Variants in TASP1 observed in about 807,000 individuals in gnomAD.
TASP1 encodes the protein threonine aspartase 1.
A neutral mutation model predicts 56.6 loss-of-function variants in TASP1; 16 were observed. The ratio of observed to expected loss-of-function variants is 0.28; its 90% CI spans 0.19 to 0.43. TASP1 has a LOEUF of 0.43. Among genes scored for constraint, TASP1 ranks in the 20% least tolerant of loss-of-function variants. The probability of loss-of-function intolerance (pLI) is 1.00; values close to 1 mark genes in which losing one functional copy is unlikely to be tolerated. For missense variants in TASP1, 393 were observed against 511.6 expected (o/e 0.77, Z 2.24); for synonymous variants, 179 against 184.2 (o/e 0.97, Z 0.23).
At chr20:13,270,604 C>T in the TASP1 span, 3 of 1,613,884 alleles carry the variant, frequency 1.9e-6, no homozygotes, top group African/African-American at 1.3e-5. Context: ...GCACACCAAC[C>T]CTTCCCCAGA....
the TASP1 span, among the ~76,000 whole-genome samples, chr20:13,317,300 G>C: frequency 1.4e-3 from 172 of 119,176 alleles, 1 homozygote; most frequent in African/African-American, 4.0e-3. Flanking sequence ...AGAAATCAAA[G>C]AAGTAAATAA....
chr20:13,564,376 ATC>A (rs2046444006), intron 7 of TASP1, among the ~76,000 whole-genome samples: 1 of 152,170 alleles, frequency 6.6e-6, no homozygotes, highest in Admixed American at 6.5e-5. Flanking sequence ...AAAAACTAAA[ATC>A]AAGGAGGCAA....
the TASP1 span, among the ~76,000 whole-genome samples, chr20:13,356,396 T>G: frequency 2.1e-4 from 32 of 152,348 alleles, no homozygotes; most frequent in Non-Finnish European, 4.3e-4. Context: ...TTTAGGGAAC[T>G]GGGTTTTGGA....
At chr20:13,274,578 C>T in the TASP1 span, among the ~76,000 whole-genome samples, 6 of 152,312 alleles carry the variant, frequency 3.9e-5, no homozygotes, top group Non-Finnish European at 8.8e-5. Context: ...GTGTTTCCCA[C>T]GCTCCAGGGC....
the TASP1 span, among the ~76,000 whole-genome samples, chr20:13,332,204 G>T: frequency 6.6e-6 from 1 of 152,076 alleles, no homozygotes; most frequent in African/African-American, 2.4e-5. Context: ...TGTCTATTAA[G>T]ATCCATACAT....
intron 13 of TASP1, among the ~76,000 whole-genome samples, chr20:13,410,426 T>C (rs1463507419): frequency 6.6e-6 from 1 of 152,228 alleles, no homozygotes; most frequent in Non-Finnish European, 1.5e-5. Flanking sequence ...ATAGTGGCTG[T>C]ATGAATTTAC....
chr20:13,417,040 T>C (rs2042278876), intron 13 of TASP1, among the ~76,000 whole-genome samples: 1 of 152,184 alleles, frequency 6.6e-6, no homozygotes, highest in South Asian at 2.1e-4. Context: ...GCAGGATGCT[T>C]TCTAGGGTTA....
Position 13,469,792 on chromosome 20 carries a change from C to CTTTTTTTTTTTTTTT in TASP1, c.985+13420_985+13434dup, listed in dbSNP as rs546419566. Among the ~76,000 whole-genome samples, 31 of 39,546 alleles carry CTTTTTTTTTTTTTTT rather than the reference C, an allele frequency of 7.8e-4. 6 individuals carry two copies. Among genetic ancestry groups the CTTTTTTTTTTTTTTT allele is most frequent in the Admixed American group, 1.3e-3 (3 of 2,232 alleles). The allele number at this position is 39,546 out of a possible 152,430, so 25.9% of individuals were successfully genotyped here. A position where few individuals can be genotyped will look rare whatever the true frequency, so the allele number is the denominator to read the frequency against. On this transcript the variant is annotated intron_variant, in intron 11 of 13. Transcript: ENST00000337743. Reference sequence around the variant, plus strand: ...ACAGTTGTCCAGGTCAATAAATGTCCTTTTTTTTTTTTTTTTTTTTTTTTT... The same window carrying CTTTTTTTTTTTTTTT: ...ACAGTTGTCCAGGTCAATAAATGTCCTTTTTTTTTTTTTTTTTTTTTTTTTTTTTTTTTTTTTTTT...
At chr20:13,584,051 CCTCGGCCAACA>C (rs146675810) in intron 5 of TASP1, among the ~76,000 whole-genome samples, 813 of 152,252 alleles carry the variant, frequency 5.3e-3, no homozygotes, top group Middle Eastern at 0.01. Flanking sequence ...TGCACTCCAA[CCTCGGCCAACA>C]CCCAGAGCTA....
intron 1 of TASP1, among the ~76,000 whole-genome samples, chr20:13,634,858 G>GTCTCTACTA (rs1273191405): frequency 6.6e-6 from 1 of 151,010 alleles, no homozygotes; most frequent in Non-Finnish European, 1.5e-5. Context: ...GAGAAACCCC[G>GTCTCTACTA]TCTCTACTAA....
chr20:13,259,540 G>A, the TASP1 span, among the ~76,000 whole-genome samples: 1,058 of 152,280 alleles, frequency 6.9e-3, 13 homozygotes, highest in African/African-American at 0.024. Flanking sequence ...AGAAAAGGAA[G>A]ATGCTAATGA....
intron 9 of TASP1, among the ~76,000 whole-genome samples, 172 bp from the exon 10 acceptor site, chr20:13,528,683 C>CA (rs2045090267): frequency 6.6e-6 from 1 of 152,100 alleles, no homozygotes; most frequent in Non-Finnish European, 1.5e-5. Context: ...TTAATACTAT[C>CA]AAAACTATGT....
chr20:13,204,527 T>TTA, the TASP1 span, among the ~76,000 whole-genome samples: 1 of 133,396 alleles, frequency 7.5e-6, no homozygotes, highest in African/African-American at 3.2e-5. Context: ...ATTTATATAT[T>TTA]CATATATATA....
chr20:13,234,746 A>G, the TASP1 span, among the ~76,000 whole-genome samples: 1 of 152,070 alleles, frequency 6.6e-6, no homozygotes, highest in East Asian at 1.9e-4. Flanking sequence ...GTCCTCTTGT[A>G]TGTCTTCTTT....
the TASP1 span, among the ~76,000 whole-genome samples, chr20:13,351,957 A>G: frequency 1.4e-3 from 206 of 152,284 alleles, no homozygotes; most frequent in African/African-American, 4.6e-3. Flanking sequence ...TGAATTTTTC[A>G]TTTCATTTAA....
the TASP1 span, among the ~76,000 whole-genome samples, chr20:13,204,170 T>C: frequency 1.3e-5 from 2 of 152,222 alleles, no homozygotes; most frequent in Non-Finnish European, 2.9e-5. Flanking sequence ...CATACTTTTA[T>C]TTTAATTTTG....
Position 13,390,318 on chromosome 20 carries a change from T to C in TASP1, c.*42A>G. 6 of 1,572,318 alleles carry C rather than the reference T, an allele frequency of 3.8e-6. No homozygotes were observed. Among genetic ancestry groups the C allele is most frequent in the Non-Finnish European group, 5.2e-6 (6 of 1,146,048 alleles). On this transcript the variant is annotated 3_prime_UTR_variant, in exon 14 of 14. Coordinates refer to ENST00000337743, the MANE Select transcript of TASP1 (RefSeq NM_017714.3). ...AGTTAAAAACCCCCAAAAGCTCAGG[T>C]TCTGAAATGCCTCTGAGACGCTTCA...
chr20:13,467,177 C>T (rs1227065002), intron 11 of TASP1, among the ~76,000 whole-genome samples: 1 of 104,378 alleles, frequency 9.6e-6, no homozygotes, highest in African/African-American at 3.9e-5. Context: ...GAAATTAACA[C>T]ACATACAATA....
intron 10 of TASP1, among the ~76,000 whole-genome samples, chr20:13,514,452 C>A (rs570639842): frequency 6.6e-6 from 1 of 152,166 alleles, no homozygotes; most frequent in East Asian, 1.9e-4. Context: ...GTGTGTTTCT[C>A]CTCCATAAGG....
Sources: allele counts gnomAD v4.1 joint callset (sites outside exome capture counted in the v4.1 genomes callset), GRCh38; gene constraint gnomAD v4.1.1; transcripts MANE v1.5; gene names NCBI Gene and HGNC (gene_info 2026-07-23, HGNC 2026-07-21).